GPC6: variants seen among roughly 807,000 people sequenced by gnomAD.
GPC6 encodes glypican-6.
Under a neutral mutation model 55.2 loss-of-function variants are expected in GPC6, and 14 were observed. The ratio of observed to expected loss-of-function variants is 0.25; its 90% CI spans 0.17 to 0.40. The LOEUF (loss-of-function observed/expected upper bound fraction) is 0.40. GPC6 is among the 10% of genes least tolerant of loss of function. GPC6 has a pLI of 1.00. For missense variants in GPC6, 641 were observed against 708.5 expected (o/e 0.90, Z 1.08); for synonymous variants, 278 against 259.6 (o/e 1.07, Z -0.68).
At position 94,067,956 on chromosome 13, in the gene GPC6, A is replaced by G. The variant is rs1884589924; in HGVS notation, c.877+40062A>G. 1.3e-5 allele frequency among the ~76,000 whole-genome samples: 2 copies of G among 152,238 alleles called. 1 individual carries two copies. Among genetic ancestry groups the G allele is most frequent in the South Asian group, 4.1e-4 (2 of 4,828 alleles). On this transcript the variant is annotated intron_variant, in intron 4 of 8. Coordinates refer to ENST00000377047, the MANE Select transcript of GPC6 (RefSeq NM_005708.5). Reference sequence around the variant, plus strand: ...CATTGTGTTCAATTTTATGTAGGAAAGATGGACTCCTCAGTGGTGGCACTT... The same window carrying G: ...CATTGTGTTCAATTTTATGTAGGAAGGATGGACTCCTCAGTGGTGGCACTT...
At chr13:94,006,351 C>A (rs1174481387) in intron 3 of GPC6, among the ~76,000 whole-genome samples, 1 of 152,102 alleles carries the variant, frequency 6.6e-6, no homozygotes, top group Non-Finnish European at 1.5e-5. Context: ...AGAACCGTGG[C>A]CTTGGATAGC....
intron 1 of GPC6, among the ~76,000 whole-genome samples, chr13:93,406,673 C>A (rs925556390): frequency 7.2e-5 from 11 of 152,108 alleles, no homozygotes; most frequent in African/African-American, 2.7e-4. Context: ...CAATGCTAAA[C>A]TTGCATCAGT....
At chr13:94,248,230 G>A (rs1891254374) in intron 4 of GPC6, among the ~76,000 whole-genome samples, 1 of 152,110 alleles carries the variant, frequency 6.6e-6, no homozygotes. Context: ...TTTTCAGTCA[G>A]CTCCCAATTC....
intron 4 of GPC6, among the ~76,000 whole-genome samples, chr13:94,243,301 A>G (rs1367759944): frequency 2.0e-5 from 3 of 152,130 alleles, no homozygotes; most frequent in Non-Finnish European, 4.4e-5. Context: ...TTTTAAAATT[A>G]TGTACATTCT....
intron 2 of GPC6, among the ~76,000 whole-genome samples, chr13:93,690,924 T>C (rs372023004): frequency 6.6e-5 from 10 of 152,248 alleles, no homozygotes; most frequent in African/African-American, 2.4e-4. Context: ...TTCTTCTTTG[T>C]CATTTAGTTG....
chr13:94,160,593 C>A (rs1381688386), intron 4 of GPC6, among the ~76,000 whole-genome samples: 1 of 152,238 alleles, frequency 6.6e-6, no homozygotes, highest in Non-Finnish European at 1.5e-5. Flanking sequence ...GTAAGCACAA[C>A]ACCTGGTGAA....
chr13:94,265,007 C>T (rs1339498034), intron 4 of GPC6, among the ~76,000 whole-genome samples: 1 of 152,142 alleles, frequency 6.6e-6, no homozygotes, highest in Non-Finnish European at 1.5e-5. Flanking sequence ...AGTTATCTCC[C>T]ACTGGGTCCT....
intron 3 of GPC6, among the ~76,000 whole-genome samples, chr13:93,965,298 C>A (rs1010654590): frequency 1.3e-5 from 2 of 151,752 alleles, no homozygotes; most frequent in Non-Finnish European, 2.9e-5. Flanking sequence ...GTAGTCCCAG[C>A]TACTCGGGAG....
At chr13:93,331,427 G>A (rs755344694) in intron 1 of GPC6, among the ~76,000 whole-genome samples, 2 of 152,116 alleles carry the variant, frequency 1.3e-5, no homozygotes, top group Non-Finnish European at 2.9e-5. Context: ...CTTAAGAAGC[G>A]TGGTAGAGTA....
At chr13:93,700,902 C>T (rs1017755444) in intron 2 of GPC6, among the ~76,000 whole-genome samples, 22 of 152,080 alleles carry the variant, frequency 1.4e-4, no homozygotes, top group Admixed American at 3.3e-4. Flanking sequence ...ATCACATCCA[C>T]TTAGACTTGA....
intron 3 of GPC6, among the ~76,000 whole-genome samples, chr13:93,955,803 A>G (rs1440766726): frequency 6.6e-6 from 1 of 152,222 alleles, no homozygotes; most frequent in Admixed American, 6.5e-5. Flanking sequence ...AGAATTTAAC[A>G]GATATCTCTT....
chr13:93,820,455 A>C (rs1887005065), intron 2 of GPC6, among the ~76,000 whole-genome samples: 1 of 152,076 alleles, frequency 6.6e-6, no homozygotes, highest in Admixed American at 6.6e-5. Flanking sequence ...TATGTGTTAC[A>C]GTATTTTTAA....
At chr13:93,558,052 G>A (rs1340540435) in intron 2 of GPC6, among the ~76,000 whole-genome samples, 1 of 152,116 alleles carries the variant, frequency 6.6e-6, no homozygotes, top group East Asian at 1.9e-4. Context: ...AATAGCACAG[G>A]CCTTGGATCT....
chr13:93,560,955 T>G (rs1280784156), intron 2 of GPC6, among the ~76,000 whole-genome samples: 1 of 152,184 alleles, frequency 6.6e-6, no homozygotes. Context: ...AGCCTCTTTC[T>G]TATGTATTTG....
intron 1 of GPC6, among the ~76,000 whole-genome samples, chr13:93,429,994 T>A (rs547633612): frequency 3.3e-5 from 5 of 152,126 alleles, no homozygotes; most frequent in Non-Finnish European, 7.4e-5. Flanking sequence ...AATACTGGAT[T>A]ACTGGCTTGC....
intron 2 of GPC6, among the ~76,000 whole-genome samples, chr13:93,761,605 C>T (rs1195900521): frequency 6.6e-5 from 10 of 152,100 alleles, no homozygotes; most frequent in Admixed American, 6.6e-4. Flanking sequence ...CAACCTAGAG[C>T]TCCTAGACTC....
At chr13:94,235,478 G>A (rs1469334345) in intron 4 of GPC6, among the ~76,000 whole-genome samples, 17 of 152,064 alleles carry the variant, frequency 1.1e-4, no homozygotes, top group Non-Finnish European at 1.5e-5. Context: ...GTGTTCCTAG[G>A]GAACCTTGAT....
At position 93,500,783 on chromosome 13, in the gene GPC6, G is replaced by A. The variant is rs190796677; in HGVS notation, c.161-44480G>A. ...AGTGTTATGCTTAAAAATAGACAAT[G>A]AGCACTAAGAACATTAAGTTTGTAA... On this transcript the variant is annotated intron_variant, in intron 1 of 8. Coordinates refer to ENST00000377047, the MANE Select transcript of GPC6 (RefSeq NM_005708.5). Among the ~76,000 whole-genome samples, 15 of 152,186 alleles carry A rather than the reference G, an allele frequency of 9.9e-5. No individual in the cohort carries two copies. The East Asian group carries it at 2.9e-3, about 29-fold the overall frequency.
intron 2 of GPC6, among the ~76,000 whole-genome samples, chr13:93,698,787 C>T (rs1452995624): frequency 6.6e-6 from 1 of 151,912 alleles, no homozygotes; most frequent in African/African-American, 2.4e-5. Context: ...TTCTTTTCCC[C>T]TCCCTCTTTT....
Sources: gnomAD v4.1 joint callset for allele counts (sites outside exome capture counted in the v4.1 genomes callset) on GRCh38, gnomAD v4.1.1 for gene constraint, MANE v1.5 for transcripts, NCBI Gene and HGNC (gene_info 2026-07-23, HGNC 2026-07-21) for gene names.